The following ITIH4 variants were observed in gnomAD, a reference collection of about 807,000 sequenced individuals.
ITIH4 encodes the protein inter-alpha-trypsin inhibitor heavy chain H4.
In ITIH4, 79 loss-of-function variants were observed where a neutral mutation model predicts 111.8. That is an observed-to-expected ratio of 0.71 (90% CI 0.59 to 0.85). The LOEUF (loss-of-function observed/expected upper bound fraction) is 0.85, where lower values mean the gene tolerates loss of function less well. ITIH4 is among the 40% of genes least tolerant of loss of function. The pLI is 0.00. For synonymous variants in ITIH4, 472 were observed against 468.3 expected (o/e 1.01, Z -0.10); for missense variants, 1,065 against 1,195.8 (o/e 0.89, Z 1.61).
In ITIH4 at chr3:52,813,458, G is replaced by A. The variant is rs140372968; in HGVS notation, c.2756C>T (p.Pro919Leu). 108 of 1,613,480 alleles carry A rather than the reference G, an allele frequency of 6.7e-5. 1 individual carries two copies. In the African/African-American group the frequency reaches 1.1e-3, roughly 16 times the overall value. Residue 919 changes from proline (P) to leucine (L), a missense_variant, in exon 24 of 24, where the codon CCG becomes CTG. Coordinates refer to ENST00000266041, the MANE Select transcript of ITIH4 (RefSeq NM_002218.5). ...ERRLDYQEGP[P>L]GVEISCWSVE... ...AGACCAGCAGGAAATCTCCACTCCCGGGGGCCCCTCCTGGTAATCCAGCCT... is the reference window on the plus strand; with the variant it reads ...AGACCAGCAGGAAATCTCCACTCCCAGGGGCCCCTCCTGGTAATCCAGCCT...
intron 13 of ITIH4, 81 bp downstream of exon 13, chr3:52,820,550 T>C: frequency 1.3e-6 from 2 of 1,503,972 alleles, no homozygotes; most frequent in Non-Finnish European, 1.8e-6. Flanking sequence ...GGGGTCTTGG[T>C]CAGGATGCAG....
intron 5 of ITIH4, 152 bp downstream of exon 5, chr3:52,826,389 A>C: frequency 1.5e-6 from 1 of 649,940 alleles, no homozygotes; most frequent in South Asian, 1.9e-5. Context: ...CATCTGCCAA[A>C]TGACAGCAAG....
chr3:52,820,948 C>T, intron 12 of ITIH4, 43 bp downstream of exon 12: 1 of 1,602,340 alleles, frequency 6.2e-7, no homozygotes. Flanking sequence ...CCACCTGTGC[C>T]TGCCCCCTAG....
At chr3:52,829,087 T>A in intron 2 of ITIH4, 32 bp downstream of exon 2, 1 of 1,307,682 alleles carries the variant, frequency 7.6e-7, no homozygotes. Context: ...CTGGGGGGTG[T>A]GGAGAGGGGA....
At position 52,814,165 on chromosome 3, in the gene ITIH4, C is replaced by G. The variant is rs149848505; in HGVS notation, c.2626+44G>C. ...GGGCGCTGCCTGTTCCCAAGCACAG[C>G]TGGTTTCTGAGGAAGGCCTGGGCCC... On this transcript the variant is annotated intron_variant, in intron 22 of 23. Coordinates refer to ENST00000266041, the MANE Select transcript of ITIH4 (RefSeq NM_002218.5). 1.6e-3 allele frequency: 2,576 copies of G among 1,607,270 alleles called. 33 individuals are homozygous for G. In the African/African-American group the frequency reaches 0.03, roughly 19 times the overall value.
At chr3:52,814,135 G>A (rs1700235376) in intron 22 of ITIH4, 64 bp from the exon 23 acceptor site, 1 of 1,603,164 alleles carries the variant, frequency 6.2e-7, no homozygotes, top group Admixed American at 1.7e-5. Context: ...ACACACGCAG[G>A]GGAGGGGCGC....
rs1184381681 is a variant in ITIH4, at chr3:52,814,323, T to C, written c.2512A>G (p.Ser838Gly). Residue 838 changes from serine (S) to glycine (G), a missense_variant, in exon 22 of 24, where the codon AGT becomes GGT. Transcript: ENST00000266041. ...TMDKTGLLLL[S>G]DPDKVTIGLL... ...CCGATGGTCACTTTGTCTGGGTCACTGAGCAGCAGGAGACCCGTCTTGTCC... is the reference window on the plus strand; with the variant it reads ...CCGATGGTCACTTTGTCTGGGTCACCGAGCAGCAGGAGACCCGTCTTGTCC... 2 of 1,613,830 alleles carry C rather than the reference T, an allele frequency of 1.2e-6. No individual in the cohort carries two copies. Among genetic ancestry groups the C allele is most frequent in the Non-Finnish European group, 1.7e-6 (2 of 1,179,904 alleles).
At chr3:52,817,525 G>A (rs183023255) in intron 20 of ITIH4, among the ~76,000 whole-genome samples, 10 of 152,274 alleles carry the variant, frequency 6.6e-5, no homozygotes, top group African/African-American at 1.9e-4. Flanking sequence ...GGGGCTGGGC[G>A]GTGCGGGGGT....
chr3:52,826,526 C>T lies in ITIH4; in HGVS notation c.630+15G>A, dbSNP rs1358957059. On this transcript the variant is annotated intron_variant, in intron 5 of 23. Coordinates refer to ENST00000266041, the MANE Select transcript of ITIH4 (RefSeq NM_002218.5). ...GGCCCTTGGTACCCTCACCTGCTGA[C>T]CACAACAGGCCCACCTTGGTCTTAT... 1.9e-5 allele frequency: 31 copies of T among 1,601,694 alleles called. No individual in the cohort carries two copies. Among genetic ancestry groups the T allele is most frequent in the Non-Finnish European group, 2.7e-5 (31 of 1,168,952 alleles).
At chr3:52,821,902 G>A (rs1700388340) in intron 11 of ITIH4, among the ~76,000 whole-genome samples, 3 of 152,208 alleles carry the variant, frequency 2.0e-5, no homozygotes. Context: ...CTCTCGCCCA[G>A]AGCCTGGCTG....
chr3:52,828,549 G>A (rs1158034658), intron 2 of ITIH4, among the ~76,000 whole-genome samples: 1 of 152,224 alleles, frequency 6.6e-6, no homozygotes, highest in Non-Finnish European at 1.5e-5. Context: ...GGTGCATTTA[G>A]TAAACATTGG....
At position 52,820,994 on chromosome 3, in the gene ITIH4, T is replaced by G; in HGVS notation, c.1676A>C (p.Gln559Pro). The G allele has an allele frequency of 6.2e-7, 1 of 1,613,760 alleles. No individual in the cohort carries two copies. Among genetic ancestry groups the G allele is most frequent in the Non-Finnish European group, 8.5e-7 (1 of 1,179,770 alleles). Residue 559 changes from glutamine to proline, a missense_variant, in exon 12 of 24, where the codon CAA becomes CCA. By Grantham distance (76) the Gln-to-Pro change is moderately conservative. Transcript: ENST00000266041. ...AGGGAGGTGCTGATGCACTCACGTTTGCTCCAGCAGCTGCTGGATAGTCAG... is the reference window on the plus strand; with the variant it reads ...AGGGAGGTGCTGATGCACTCACGTTGGCTCCAGCAGCTGCTGGATAGTCAG... ...AYLTIQQLLE[Q>P]TVSASDADQQ...
chr3:52,814,028 T>C lies in ITIH4; in HGVS notation c.2670A>G (p.Ser890=), dbSNP rs546988787. 3 of 1,613,954 alleles carry C rather than the reference T, an allele frequency of 1.9e-6. No homozygotes were observed. The South Asian group carries it at 3.3e-5, about 18-fold the overall frequency. Residue 890 remains serine (S), a synonymous_variant, in exon 23 of 24, where the codon TCA becomes TCG. Transcript: ENST00000266041. ...QEVLWGSPAA[S]DDGRRTLRVQ... is the part of the protein sequence containing the mutation. ...CCCTCAGCGTGCGTCTGCCGTCATC[T>C]GATGCTGCTGGAGATCCCCAGAGCA...
chr3:52,819,966 A>G lies in ITIH4; in HGVS notation c.1886T>C (p.Leu629Pro). Residue 629 changes from leucine (L) to proline (P), a missense_variant, in exon 15 of 24, where the codon CTC becomes CCC. Physicochemically the swap from Leu to Pro is moderately conservative, Grantham distance 98. Transcript: ENST00000266041. ...TGGTTTTGGTATTTTTGCTCCCTGG[A>G]GATAATATTTGAAGAAAGTGGAACC... The part of the protein sequence containing the change: ...HSGSTFFKYY[L>P]QGAKIPKPEA... 1 of 1,613,930 alleles carries G rather than the reference A, an allele frequency of 6.2e-7. No individual in the cohort carries two copies. The highest frequency in any genetic ancestry group is 1.3e-5 in the African/African-American group (1 of 74,956).
chr3:52,822,952 C>T lies in ITIH4; in HGVS notation c.1539+604G>A, dbSNP rs754613462. On this transcript the variant is annotated intron_variant, in intron 11 of 23. Coordinates refer to ENST00000266041, the MANE Select transcript of ITIH4 (RefSeq NM_002218.5). ...GCTCTCCTGAGTCCAGGGTTAGATC[C>T]CAGCCTGTAGCTGGTTTGTGTGGTG... 5.7e-4 allele frequency among the ~76,000 whole-genome samples: 87 copies of T among 152,200 alleles called. No homozygotes were observed. The Middle Eastern group carries it at 0.01, about 18-fold the overall frequency.
Position 52,813,960 on chromosome 3 carries a change from C to T in ITIH4, c.2723+15G>A. On this transcript the variant is annotated intron_variant, in intron 23 of 23. Transcript: ENST00000266041. ...CACCCCAGCTGGGCTCAGCGGTCTG[C>T]TTGTGCCAAGTCACCTGGTGGCAGA... 2 of 1,606,162 alleles carry T rather than the reference C, an allele frequency of 1.2e-6. No homozygotes were observed. Among genetic ancestry groups the T allele is most frequent in the Non-Finnish European group, 1.7e-6 (2 of 1,175,656 alleles).
At position 52,816,843 on chromosome 3, in the gene ITIH4, G is replaced by A. The variant is rs772451453; in HGVS notation, c.2471+41C>T. 6.3e-6 allele frequency: 10 copies of A among 1,591,832 alleles called. No homozygotes were observed. In the African/African-American group the frequency reaches 1.2e-4, roughly 19 times the overall value. On this transcript the variant is annotated intron_variant, in intron 21 of 23. Coordinates refer to ENST00000266041, the MANE Select transcript of ITIH4 (RefSeq NM_002218.5). ...GTACCATCATCAGCCACTGTAGCCT[G>A]AAAGGTCAACCCCTGCCCCGGGCTC... is the stretch of plus-strand genomic sequence containing the variant.
chr3:52,827,092 C>T lies in ITIH4; in HGVS notation c.356+1G>A. ...ACTGAAGCTGCCCCCCACCAGCTCA[C>T]TTGACGAGGCCAGCGCTCTTTCCCT... On this transcript the variant is annotated splice_donor_variant, in intron 3 of 23. Transcript: ENST00000266041. LOFTEE classifies it high-confidence loss of function. 6.2e-7 allele frequency: 1 copy of T among 1,614,014 alleles called. No homozygotes were observed.
At chr3:52,820,537 G>T in intron 13 of ITIH4, 94 bp downstream of exon 13, 3 of 1,453,250 alleles carry the variant, frequency 2.1e-6, no homozygotes, top group Non-Finnish European at 2.8e-6. Context: ...TGGGGGCACG[G>T]TTGGGGTCTT....
Sources: allele counts gnomAD v4.1 joint callset (sites outside exome capture counted in the v4.1 genomes callset), GRCh38; gene constraint gnomAD v4.1.1; transcripts MANE v1.5; gene names NCBI Gene and HGNC (gene_info 2026-07-23, HGNC 2026-07-21).